Variants in CD58 observed in about 807,000 individuals in gnomAD.
CD58 encodes CD58 molecule, also known as lymphocyte function-associated antigen 3.
CD58 carries 14 observed loss-of-function variants against 27.6 expected under a neutral mutation model. The ratio of observed to expected loss-of-function variants is 0.51; its 90% confidence interval spans 0.34 to 0.79. The LOEUF is 0.79. CD58 is among the 30% of genes least tolerant of loss of function. CD58 has a pLI of 0.02. For missense variants in CD58, 268 were observed against 301.7 expected, an observed-to-expected ratio of 0.89 and a Z score of 0.83; for synonymous variants, 117 against 103.8, an observed-to-expected ratio of 1.13 and a Z score of -0.77.
chr1:116,518,607 T>G (rs1557831328), intron 5 of CD58: 1 of 933,116 alleles, frequency 1.1e-6, no homozygotes, highest in Non-Finnish European at 1.3e-6. Flanking sequence ...ACCCTGGGCC[T>G]TAACTCTTCC....
chr1:116,528,720 T>C lies in CD58; in HGVS notation c.629-6737A>G, dbSNP rs1657501628. ...AATGGTGAAGTGCACTGGGTTTCTT[T>C]ACCTGGAAATAGCCTTTGACTCTCA... On this transcript the variant is annotated intron_variant, in intron 3 of 5. Transcript: ENST00000369489. The surrounding 1 kb of genome is among the most constrained non-coding windows in gnomAD (Gnocchi z 4.4). Among the ~76,000 whole-genome samples the C allele has an allele frequency of 6.6e-6, 1 of 152,268 alleles. No homozygotes were observed. Among genetic ancestry groups the C allele is most frequent in the East Asian group, 1.9e-4 (1 of 5,204 alleles).
chr1:116,566,841 G>T (rs958907146), intron 1 of CD58, among the ~76,000 whole-genome samples: 1 of 151,930 alleles, frequency 6.6e-6, no homozygotes, highest in Admixed American at 6.6e-5. Context: ...TATATATATA[G>T]AGAGAAACAG....
chr1:116,540,221 C>G (rs886726768), intron 2 of CD58, among the ~76,000 whole-genome samples: 2 of 152,076 alleles, frequency 1.3e-5, no homozygotes, highest in African/African-American at 4.8e-5. Flanking sequence ...TTAGGAAGTG[C>G]CAGGAAATCC....
intron 1 of CD58, among the ~76,000 whole-genome samples, chr1:116,547,633 A>G (rs1288437311): frequency 1.3e-5 from 2 of 151,810 alleles, no homozygotes; most frequent in Non-Finnish European, 2.9e-5. Context: ...CTGGCCTATT[A>G]TGTTCCTTTT....
At position 116,524,286 on chromosome 1, in the gene CD58, T is replaced by C. The variant is rs1657359339; in HGVS notation, c.629-2303A>G. On this transcript the variant is annotated intron_variant, in intron 3 of 5. Coordinates refer to ENST00000369489, the MANE Select transcript of CD58 (RefSeq NM_001779.3). This position sits in a 1 kb window ranked among gnomAD's most constrained non-coding sequence, Gnocchi z 4.6. ...TGAAACTGAAGAGTTTCCTGGGATATGAAATTCGGGTGCTGAAACTGGGAA... is the reference window on the plus strand; with the variant it reads ...TGAAACTGAAGAGTTTCCTGGGATACGAAATTCGGGTGCTGAAACTGGGAA... Among the ~76,000 whole-genome samples the C allele has an allele frequency of 6.6e-6, 1 of 152,178 alleles. No homozygotes were observed. Among genetic ancestry groups the C allele is most frequent in the Non-Finnish European group, 1.5e-5 (1 of 68,038 alleles).
rs113485005 is a variant in CD58, at chr1:116,566,962, A to T, written c.70+3941T>A. ...AAGACCAGCCTGGGCAACATGGCAA[A>T]ACCCCGTCTCTATAAAAAATACAAA... On this transcript the variant is annotated intron_variant, in intron 1 of 5. Coordinates refer to ENST00000369489, the MANE Select transcript of CD58 (RefSeq NM_001779.3). 2.8e-3 allele frequency among the ~76,000 whole-genome samples: 422 copies of T among 151,250 alleles called. 2 individuals carry two copies. Among genetic ancestry groups the T allele is most frequent in the African/African-American group, 9.7e-3 (401 of 41,174 alleles).
chr1:116,530,221 T>C (rs1657554753), intron 3 of CD58, among the ~76,000 whole-genome samples: 2 of 150,988 alleles, frequency 1.3e-5, no homozygotes, highest in South Asian at 4.2e-4. Context: ...TTTTTTTTTT[T>C]TTGAGACGGA....
At position 116,569,269 on chromosome 1, in the gene CD58, C is replaced by T. The variant is rs148310196; in HGVS notation, c.70+1634G>A. On this transcript the variant is annotated intron_variant, in intron 1 of 5. Coordinates refer to ENST00000369489, the MANE Select transcript of CD58 (RefSeq NM_001779.3). ...TGAACTCCCCAGAGCTATTTGGGCC[C>T]TGTGATGGTAGTCCACCCTGGCCTT... 7.7e-4 allele frequency among the ~76,000 whole-genome samples: 117 copies of T among 152,326 alleles called. 1 individual carries two copies. The East Asian group carries it at 0.015, about 20-fold the overall frequency.
At chr1:116,533,398 G>C in intron 3 of CD58, 2 of 839,214 alleles carry the variant, frequency 2.4e-6, no homozygotes, top group South Asian at 2.7e-5. Flanking sequence ...GCCTTATCTG[G>C]TTCTGATTTC....
In CD58 at chr1:116,559,856, C is replaced by T. The variant is rs773506536; in HGVS notation, c.70+11047G>A. ...TTTCTCAAGATGTTTCCCTTTAGAC[C>T]TATGCAATCCATCAAAGTAGCTACC... is the stretch of plus-strand genomic sequence containing the variant. On this transcript the variant is annotated intron_variant, in intron 1 of 5. Transcript: ENST00000369489. This position sits in a 1 kb window ranked among gnomAD's most constrained non-coding sequence, Gnocchi z 4.4. Among the ~76,000 whole-genome samples, 3 of 152,072 alleles carry T rather than the reference C, an allele frequency of 2.0e-5. No homozygotes were observed. The highest frequency in any genetic ancestry group is 4.8e-5 in the African/African-American group (2 of 41,396).
At position 116,514,823 on chromosome 1, in the gene CD58, C is replaced by G; in HGVS notation, c.744-1G>C. 6.4e-7 allele frequency: 1 copy of G among 1,555,886 alleles called. No individual in the cohort carries two copies. Among genetic ancestry groups the G allele is most frequent in the Non-Finnish European group, 8.8e-7 (1 of 1,133,338 alleles). ...ATCTTCTGTTACCAATCAATTGGAG[C>G]TACAAAAAAAAATCATATTATTAAC... On this transcript the variant is annotated splice_acceptor_variant, in intron 5 of 5. Transcript: ENST00000369489. LOFTEE classifies it high-confidence loss of function.
At chr1:116,530,300 G>A (rs1657557832) in intron 3 of CD58, among the ~76,000 whole-genome samples, 1 of 151,724 alleles carries the variant, frequency 6.6e-6, no homozygotes, top group Non-Finnish European at 1.5e-5. Context: ...CCGCCTCCCG[G>A]GTTCATGCCA....
chr1:116,558,362 G>T (rs1336499222), intron 1 of CD58, among the ~76,000 whole-genome samples: 1 of 152,136 alleles, frequency 6.6e-6, no homozygotes, highest in Non-Finnish European at 1.5e-5. Context: ...GGGTCACTGA[G>T]CACAGCCTTG....
In CD58 at chr1:116,534,647, C is replaced by A. The variant is rs1657732233; in HGVS notation, c.628+1318G>T. Among the ~76,000 whole-genome samples the A allele has an allele frequency of 6.6e-6, 1 of 152,200 alleles. No homozygotes were observed. Among genetic ancestry groups the A allele is most frequent in the African/African-American group, 2.4e-5 (1 of 41,462 alleles). ...TCCAGGCCCCAAGCCCCAGGCCCGC[C>A]GCGGCGGCGCTGCCCACCCTGACGA... is the stretch of plus-strand genomic sequence containing the variant. On this transcript the variant is annotated intron_variant, in intron 3 of 5. Transcript: ENST00000369489. The surrounding 1 kb of genome is among the most constrained non-coding windows in gnomAD (Gnocchi z 5.3).
Position 116,544,530 on chromosome 1 carries a change from C to T in CD58, c.145G>A (p.Val49Met), listed in dbSNP as rs376216429. The change falls in exon 2 of 6, where the codon GTG becomes ATG. Residue 49 changes from valine (V) to methionine (M), a missense_variant. Physicochemically the swap from Val to Met is conservative, Grantham distance 21 (BLOSUM62 1). Coordinates refer to ENST00000369489, the MANE Select transcript of CD58 (RefSeq NM_001779.3). ...GNVTFHVPSN[V>M]PLKEVLWKKQ... ...TTCCATAGGACCTCTTTTAAAGGCACATTGCTTGGTACATGGAAAGTTACA... is the reference window on the plus strand; with the variant it reads ...TTCCATAGGACCTCTTTTAAAGGCATATTGCTTGGTACATGGAAAGTTACA... The T allele has an allele frequency of 6.2e-7, 1 of 1,613,462 alleles. No homozygotes were observed. The highest frequency in any genetic ancestry group is 8.5e-7 in the Non-Finnish European group (1 of 1,179,488).
chr1:116,526,685 C>G (rs1657443859), intron 3 of CD58, among the ~76,000 whole-genome samples: 1 of 152,164 alleles, frequency 6.6e-6, no homozygotes. Context: ...TTTGCCTGCC[C>G]ATTTAACCTT....
Position 116,514,882 on chromosome 1 carries a change from G to C in CD58, c.744-60C>G, listed in dbSNP as rs1245872045. On this transcript the variant is annotated intron_variant, in intron 5 of 5. Coordinates refer to ENST00000369489, the MANE Select transcript of CD58 (RefSeq NM_001779.3). ...TGCAGTAAATCTGGGCTGCAGACCA[G>C]GAGTCTTAATTACCCTCCTATTCTA... 4 of 1,275,600 alleles carry C rather than the reference G, an allele frequency of 3.1e-6. No individual in the cohort carries two copies. The South Asian group carries it at 3.8e-5, about 12-fold the overall frequency. The allele number at this position is 1,275,600 out of a possible 1,614,324, so 79.0% of individuals were successfully genotyped here. A position where few individuals can be genotyped will look rare whatever the true frequency, so the allele number is the denominator to read the frequency against.
At position 116,556,455 on chromosome 1, in the gene CD58, A is replaced by G. The variant is rs537356917; in HGVS notation, c.71-11851T>C. Among the ~76,000 whole-genome samples, 12 of 152,254 alleles carry G rather than the reference A, an allele frequency of 7.9e-5. No homozygotes were observed. The East Asian group carries it at 1.7e-3, about 22-fold the overall frequency. ...TCTTATTTAGCTTGCTACATGGCAT[A>G]AGGCTCTTAAAGATAGTGACATGAT... On this transcript the variant is annotated intron_variant, in intron 1 of 5. Transcript: ENST00000369489.
In CD58 at chr1:116,570,863, C is replaced by G. The variant is rs1275341515; in HGVS notation, c.70+40G>C. ...CCCAGCCTGGGTGCTGCCCAGTACC[C>G]GCCGGCCGGCGCGGGGCCCCTGGGG... On this transcript the variant is annotated intron_variant, in intron 1 of 5. Transcript: ENST00000369489. The surrounding 1 kb of genome is among the most constrained non-coding windows in gnomAD (Gnocchi z 6.4). The G allele has an allele frequency of 2.3e-5, 35 of 1,509,796 alleles. No individual in the cohort carries two copies. Among genetic ancestry groups the G allele is most frequent in the African/African-American group, 7.1e-5 (5 of 70,380 alleles). The allele number at this position is 1,509,796 out of a possible 1,614,324, so 93.5% of individuals were successfully genotyped here. A position where few individuals can be genotyped will look rare whatever the true frequency, so the allele number is the denominator to read the frequency against.
Sources: gnomAD v4.1 joint callset for allele counts (sites outside exome capture counted in the v4.1 genomes callset) on GRCh38, gnomAD v4.1.1 for gene constraint, Gnocchi (gnomAD v3.1) non-coding constraint, MANE v1.5 for transcripts, NCBI Gene and HGNC (gene_info 2026-07-23, HGNC 2026-07-21) for gene names.